Variants in FGGY observed in about 807,000 individuals in gnomAD.
FGGY encodes FGGY carbohydrate kinase domain containing, also known as FGGY carbohydrate kinase domain-containing protein.
FGGY carries 72 observed loss-of-function variants against 71.3 expected under a neutral mutation model. The observed-to-expected ratio is 1.01, with a 90% CI of 0.84 to 1.23. The LOEUF (loss-of-function observed/expected upper bound fraction) is 1.23, where lower values mean the gene tolerates loss of function less well. FGGY is among the 50% of genes most tolerant of loss of function. The pLI is 0.00. For missense variants in FGGY, 668 were observed against 682.3 expected (o/e 0.98, Z 0.23); for synonymous variants, 251 against 250.3 (o/e 1.00, Z -0.02).
At chr1:59,320,431 C>T (rs947572797) in intron 1 of FGGY, among the ~76,000 whole-genome samples, 3 of 152,128 alleles carry the variant, frequency 2.0e-5, no homozygotes, top group African/African-American at 4.8e-5. Flanking sequence ...CTGCCTTGAG[C>T]TCACCTGGAG....
intron 3 of FGGY, among the ~76,000 whole-genome samples, chr1:59,341,046 G>A (rs1339711335): frequency 1.3e-5 from 2 of 152,158 alleles, no homozygotes; most frequent in Non-Finnish European, 2.9e-5. Flanking sequence ...TGTTGCAGCA[G>A]CATCTTTCTT....
intron 1 of FGGY, among the ~76,000 whole-genome samples, chr1:59,305,414 C>T (rs1432330640): frequency 6.6e-6 from 1 of 152,104 alleles, no homozygotes; most frequent in Non-Finnish European, 1.5e-5. Flanking sequence ...CTTACTTGAT[C>T]ATGGTGAATG....
intron 9 of FGGY, among the ~76,000 whole-genome samples, chr1:59,610,874 C>G (rs182911615): frequency 1.3e-5 from 2 of 152,264 alleles, no homozygotes; most frequent in Admixed American, 6.5e-5. Flanking sequence ...TATCCTGCGC[C>G]TGGCTCAGAG....
intron 14 of FGGY, among the ~76,000 whole-genome samples, chr1:59,742,574 G>A (rs750540236): frequency 6.6e-6 from 1 of 152,186 alleles, no homozygotes; most frequent in South Asian, 2.1e-4. Flanking sequence ...ATGCCAGCAG[G>A]TTTACACCTA....
chr1:59,505,799 G>A (rs1053758128), intron 6 of FGGY, among the ~76,000 whole-genome samples: 2 of 152,176 alleles, frequency 1.3e-5, no homozygotes, highest in African/African-American at 4.8e-5. Flanking sequence ...CATCAGGAAA[G>A]AGGATTATGT....
At chr1:59,546,400 A>ATCTT (rs10687487) in intron 7 of FGGY, among the ~76,000 whole-genome samples, 25,323 of 111,474 alleles carry the variant, frequency 0.23, 3,480 homozygotes, top group African/African-American at 0.42. Context: ...CTTCCCTATT[A>ATCTT]TCTTGCTCTG....
chr1:59,437,697 A>T (rs1215359404), intron 5 of FGGY, among the ~76,000 whole-genome samples: 1 of 152,152 alleles, frequency 6.6e-6, no homozygotes, highest in Non-Finnish European at 1.5e-5. Context: ...TGGTAAGGGG[A>T]TATATATTTA....
At chr1:59,480,829 A>T (rs2153566175) in intron 6 of FGGY, among the ~76,000 whole-genome samples, 1 of 152,294 alleles carries the variant, frequency 6.6e-6, no homozygotes, top group South Asian at 2.1e-4. Flanking sequence ...TCAAAAAATC[A>T]TAATGCCCTT....
At chr1:59,533,333 C>A (rs1218289474) in intron 7 of FGGY, among the ~76,000 whole-genome samples, 1 of 152,256 alleles carries the variant, frequency 6.6e-6, no homozygotes, top group Admixed American at 6.5e-5. Flanking sequence ...TATCCCGCAC[C>A]TGGCTCGGAG....
chr1:59,424,737 C>A (rs12133535), intron 5 of FGGY, among the ~76,000 whole-genome samples: 105,305 of 152,002 alleles, frequency 0.69, 40,665 homozygotes, highest in South Asian at 0.84. Flanking sequence ...GGCATACAGT[C>A]AGTTTTCAAG....
intron 3 of FGGY, 150 bp from the exon 4 acceptor site, chr1:59,346,097 C>T (rs1240317258): frequency 1.0e-6 from 1 of 979,814 alleles, no homozygotes; most frequent in African/African-American, 1.6e-5. Flanking sequence ...CTTTCCTCAG[C>T]CTTGCTGGTG....
At chr1:59,725,403 T>A (rs1367686517) in intron 14 of FGGY, among the ~76,000 whole-genome samples, 1 of 152,224 alleles carries the variant, frequency 6.6e-6, no homozygotes, top group Non-Finnish European at 1.5e-5. Flanking sequence ...AGTTGGGTAG[T>A]GTCAGTTCAC....
intron 7 of FGGY, among the ~76,000 whole-genome samples, chr1:59,527,988 G>C (rs1486306572): frequency 6.6e-6 from 1 of 152,026 alleles, no homozygotes; most frequent in African/African-American, 2.4e-5. Context: ...GGATGGCTGG[G>C]TCCCCACCAC....
chr1:59,725,800 G>A (rs1350178639), intron 14 of FGGY, among the ~76,000 whole-genome samples: 1 of 151,948 alleles, frequency 6.6e-6, no homozygotes, highest in East Asian at 1.9e-4. Flanking sequence ...GTTCTCATTG[G>A]GTGGGTTGGT....
chr1:59,490,462 T>C (rs945451106), intron 6 of FGGY, among the ~76,000 whole-genome samples: 1 of 152,212 alleles, frequency 6.6e-6, no homozygotes, highest in Admixed American at 6.5e-5. Flanking sequence ...TCCCATTCTA[T>C]AGGTTGAATT....
At chr1:59,552,758 C>G (rs920114267) in intron 7 of FGGY, among the ~76,000 whole-genome samples, 2 of 152,182 alleles carry the variant, frequency 1.3e-5, no homozygotes, top group Non-Finnish European at 2.9e-5. Context: ...ATTTAGGCTT[C>G]CATCTCCTTC....
chr1:59,665,962 C>G (rs548075256), intron 12 of FGGY, among the ~76,000 whole-genome samples: 4 of 152,208 alleles, frequency 2.6e-5, no homozygotes, highest in African/African-American at 9.6e-5. Context: ...CGTGAGCCAC[C>G]GCGCCCGGCC....
intron 8 of FGGY, among the ~76,000 whole-genome samples, chr1:59,594,123 C>A (rs975607395): frequency 2.6e-5 from 4 of 152,216 alleles, no homozygotes; most frequent in African/African-American, 9.6e-5. Flanking sequence ...CAGCAACCCT[C>A]ATCTGGCATG....
rs146226666 is a variant in FGGY at position 59,324,658 on chromosome 1, G to A, written c.201+2908G>A. Among the ~76,000 whole-genome samples the A allele has an allele frequency of 2.7e-3, 404 of 152,274 alleles. 4 individuals carry two copies. In the East Asian group the frequency reaches 0.029, roughly 11 times the overall value. On this transcript the variant is annotated intron_variant, in intron 2 of 15. Transcript: ENST00000303721. Reference sequence around the variant, plus strand: ...AATGAGCTTTGAAGAGGTTCAGTAAGCAGCCTAAGGTCTCCTGAATAAGAA... The same window carrying A: ...AATGAGCTTTGAAGAGGTTCAGTAAACAGCCTAAGGTCTCCTGAATAAGAA...
Sources: gnomAD v4.1 joint callset for allele counts (sites outside exome capture counted in the v4.1 genomes callset) on GRCh38, gnomAD v4.1.1 for gene constraint, MANE v1.5 for transcripts, NCBI Gene and HGNC (gene_info 2026-07-23, HGNC 2026-07-21) for gene names.